The following C13orf46 variants were observed in gnomAD, a reference collection of about 807,000 sequenced individuals.
C13orf46 encodes chromosome 13 open reading frame 46.
At chr13:113,951,113 T>C (rs960002489), downstream of C13orf46, among the ~76,000 whole-genome samples, 30 of 152,156 alleles carry the variant, frequency 2.0e-4, no homozygotes, top group African/African-American at 6.3e-4. Flanking sequence ...GGTCCTGGTG[T>C]GGGGAGGCCC....
intron 6 of C13orf46, among the ~76,000 whole-genome samples, chr13:113,958,683 C>T (rs1236573863): frequency 6.6e-6 from 1 of 152,086 alleles, no homozygotes; most frequent in Non-Finnish European, 1.5e-5. Flanking sequence ...ACAGTCCTCA[C>T]TAAGACTTCC....
At chr13:113,959,991 G>T (rs2052574735) in intron 6 of C13orf46, among the ~76,000 whole-genome samples, 1 of 152,182 alleles carries the variant, frequency 6.6e-6, no homozygotes, top group Non-Finnish European at 1.5e-5. Context: ...GGTGGCTCAT[G>T]CCTGTAATCC....
At chr13:113,950,764 C>T (rs1218599302), downstream of C13orf46, among the ~76,000 whole-genome samples, 2 of 152,190 alleles carry the variant, frequency 1.3e-5, no homozygotes, top group Non-Finnish European at 2.9e-5. Context: ...CAGCAGGAGC[C>T]GGCGCCCAGG....
intron 6 of C13orf46, among the ~76,000 whole-genome samples, chr13:113,958,629 C>A (rs1315728835): frequency 6.6e-6 from 1 of 152,238 alleles, no homozygotes; most frequent in Non-Finnish European, 1.5e-5. Context: ...AGAAACACGG[C>A]GTGGGGCAAT....
chr13:113,935,207 G>A, the C13orf46 span, among the ~76,000 whole-genome samples: 1 of 152,362 alleles, frequency 6.6e-6, no homozygotes, highest in East Asian at 1.9e-4. Flanking sequence ...TGCTGGGATG[G>A]GGCTTGGTCC....
chr13:113,971,783 T>C (rs2052708514), intron 1 of C13orf46, among the ~76,000 whole-genome samples: 1 of 152,224 alleles, frequency 6.6e-6, no homozygotes, highest in South Asian at 2.1e-4. Context: ...GCTGAGTCCC[T>C]GCAGAAACCA....
In C13orf46 at chr13:113,953,911, A is replaced by G. The variant is rs1247468244; in HGVS notation, c.*2862T>C. On this transcript the variant is annotated 3_prime_UTR_variant, in exon 7 of 7. Transcript: ENST00000636427. ...GTCCAGGACAGCCCGTCCAGGGCCC[A>G]TTTCCGGTTGTCTGGGAAATGATGA... 2.6e-5 allele frequency: 4 copies of G among 152,348 alleles called. No individual in the cohort carries two copies. The East Asian group carries it at 5.8e-4, about 22-fold the overall frequency. 9.4% of individuals were successfully genotyped at this position (152,348 alleles called of 1,614,324 possible).
downstream of C13orf46, among the ~76,000 whole-genome samples, chr13:113,949,782 T>G (rs1259234997): frequency 6.6e-6 from 1 of 151,620 alleles, no homozygotes; most frequent in African/African-American, 2.4e-5. Flanking sequence ...CACTCATGTC[T>G]CAGGCACCTT....
intron 2 of C13orf46, among the ~76,000 whole-genome samples, 167 bp from the exon 3 acceptor site, chr13:113,968,927 C>T (rs1255112264): frequency 1.3e-5 from 2 of 152,248 alleles, no homozygotes; most frequent in African/African-American, 4.8e-5. Flanking sequence ...TCTGAAGGGC[C>T]CCACAGCCTG....
intron 1 of C13orf46, among the ~76,000 whole-genome samples, chr13:113,972,617 G>C (rs1053106450): frequency 6.6e-6 from 1 of 152,160 alleles, no homozygotes; most frequent in African/African-American, 2.4e-5. Flanking sequence ...ACCACCGTCC[G>C]TTCGGCACAC....
downstream of C13orf46, among the ~76,000 whole-genome samples, chr13:113,952,889 G>A (rs2052494891): frequency 1.3e-5 from 2 of 152,238 alleles, no homozygotes; most frequent in African/African-American, 2.4e-5. Context: ...GCGGGGCGGC[G>A]GGGCAGAGGC....
the C13orf46 span, among the ~76,000 whole-genome samples, chr13:113,947,390 G>A: frequency 2.6e-5 from 4 of 152,280 alleles, no homozygotes; most frequent in East Asian, 7.7e-4. Context: ...GGGCAGGGCA[G>A]CCAGGAGTAG....
the C13orf46 span, among the ~76,000 whole-genome samples, chr13:113,931,559 C>T: frequency 3.3e-5 from 5 of 152,270 alleles, no homozygotes; most frequent in African/African-American, 1.2e-4. Context: ...CAGGGTGTGA[C>T]ATTCTGCTGT....
At chr13:113,962,628 C>T (rs1268988173) in intron 6 of C13orf46, among the ~76,000 whole-genome samples, 4 of 152,154 alleles carry the variant, frequency 2.6e-5, no homozygotes, top group Admixed American at 1.3e-4. Flanking sequence ...TAAGAAGCCA[C>T]GTCAGCTCGT....
the C13orf46 span, among the ~76,000 whole-genome samples, chr13:113,930,140 C>T: frequency 6.6e-6 from 1 of 152,198 alleles, no homozygotes; most frequent in Non-Finnish European, 1.5e-5. Flanking sequence ...GCACGAGGCT[C>T]GGAGGCCTCC....
At chr13:113,934,081 A>G in the C13orf46 span, among the ~76,000 whole-genome samples, 1 of 152,084 alleles carries the variant, frequency 6.6e-6, no homozygotes, top group Non-Finnish European at 1.5e-5. Flanking sequence ...TCTAACCCAC[A>G]GCACCCGCCG....
chr13:113,945,706 A>G, the C13orf46 span, among the ~76,000 whole-genome samples: 1 of 152,114 alleles, frequency 6.6e-6, no homozygotes, highest in Non-Finnish European at 1.5e-5. Context: ...CATCTGAGCT[A>G]CTCCCAAGTC....
chr13:113,940,120 G>A, the C13orf46 span, among the ~76,000 whole-genome samples: 1 of 152,254 alleles, frequency 6.6e-6, no homozygotes, highest in Non-Finnish European at 1.5e-5. Context: ...TCCACCCCAG[G>A]GGCGGGGGCT....
the C13orf46 span, among the ~76,000 whole-genome samples, chr13:113,935,244 C>T: frequency 6.6e-6 from 1 of 152,252 alleles, no homozygotes; most frequent in African/African-American, 2.4e-5. Context: ...GACTCGGCCC[C>T]CGGCGCCCTT....
Sources: gnomAD v4.1 joint callset for allele counts (sites outside exome capture counted in the v4.1 genomes callset) on GRCh38, gnomAD v4.1.1 for gene constraint, MANE v1.5 for transcripts, NCBI Gene and HGNC (gene_info 2026-07-23, HGNC 2026-07-21) for gene names.